Variants in BCL11B observed in about 807,000 individuals in gnomAD.
BCL11B encodes the protein BCL11 transcription factor B, also known as B-cell lymphoma/leukemia 11B.
In BCL11B, 8 loss-of-function variants were observed where a neutral mutation model predicts 49.9. The observed-to-expected ratio is 0.16, with a 90% CI of 0.09 to 0.29. The LOEUF is 0.29. Among genes scored for constraint, BCL11B ranks in the 10% least tolerant of loss-of-function variants. The probability of loss-of-function intolerance (pLI) is 1.00; values close to 1 mark genes in which losing one functional copy is unlikely to be tolerated. For missense variants in BCL11B, 1,006 were observed against 1,351.0 expected, an observed-to-expected ratio of 0.74 and a Z score of 4.00; for synonymous variants, 739 against 637.4, an observed-to-expected ratio of 1.16 and a Z score of -2.40.
chr14:99,219,613 C>T (rs966893478), intron 3 of BCL11B, among the ~76,000 whole-genome samples: 16 of 152,012 alleles, frequency 1.1e-4, no homozygotes, highest in Non-Finnish European at 2.2e-4. Context: ...CACAGGACAC[C>T]GAGTGAGCTC....
In BCL11B at chr14:99,248,403, C is replaced by T. The variant is rs146297921; in HGVS notation, c.427+9068G>A. On this transcript the variant is annotated intron_variant, in intron 2 of 3. Transcript: ENST00000357195. This position sits in a 1 kb window ranked among gnomAD's most constrained non-coding sequence, Gnocchi z 4.7. The stretch of plus-strand genomic sequence containing the variant: ...TGAGGAGGCTCCCACTCCCTGTGTG[C>T]CCAGAGGTCACTGGCCGCCCCCAGC... Among the ~76,000 whole-genome samples the T allele has an allele frequency of 5.0e-4, 76 of 152,330 alleles. 1 individual carries two copies. Among genetic ancestry groups the T allele is most frequent in the African/African-American group, 1.7e-3 (71 of 41,560 alleles).
intron 3 of BCL11B, among the ~76,000 whole-genome samples, chr14:99,196,038 TC>T (rs1289516053): frequency 6.6e-6 from 1 of 152,084 alleles, no homozygotes; most frequent in Non-Finnish European, 1.5e-5. Context: ...CGCTTCCCAG[TC>T]TTCATTCATG....
chr14:99,245,100 A>G (rs1481318738), intron 2 of BCL11B, among the ~76,000 whole-genome samples: 4 of 152,218 alleles, frequency 2.6e-5, no homozygotes, highest in African/African-American at 9.6e-5. Flanking sequence ...ACATTTTCTT[A>G]AGAGCTTTGT....
In BCL11B at chr14:99,174,934, G is replaced by T; in HGVS notation, c.1902C>A (p.Gly634=). ...LKRAAGGGDA[G]DDDDAGGCGD... is the part of the protein sequence containing the mutation. ...CGCAGCCGCCCGCGTCGTCGTCGTC[G>T]CCCGCGTCCCCGCCGCCCGCCGCAC... The change falls in exon 4 of 4, where the codon GGC becomes GGA. Residue 634 remains glycine, a synonymous_variant. Transcript: ENST00000357195. 1 of 1,344,942 alleles carries T rather than the reference G, an allele frequency of 7.4e-7. No individual in the cohort carries two copies. The highest frequency in any genetic ancestry group is 9.6e-7 in the Non-Finnish European group (1 of 1,044,836). 83.3% of individuals were successfully genotyped at this position (1,344,942 alleles called of 1,614,324 possible).
chr14:99,202,409 C>A (rs1019157785), intron 3 of BCL11B, among the ~76,000 whole-genome samples: 2 of 152,240 alleles, frequency 1.3e-5, no homozygotes, highest in Non-Finnish European at 2.9e-5. Context: ...GAGGAGGACA[C>A]TTGAGCCTCC....
intron 1 of BCL11B, among the ~76,000 whole-genome samples, chr14:99,269,211 T>TG (rs1402348788): frequency 7.3e-6 from 1 of 136,844 alleles, no homozygotes; most frequent in African/African-American, 2.7e-5. Flanking sequence ...AGAGGCTACG[T>TG]GGGGCAAATT....
rs200960315 is a variant in BCL11B, at chr14:99,173,554, C to A, written c.*597G>T. 336 of 173,100 alleles carry A rather than the reference C, an allele frequency of 1.9e-3. No individual in the cohort carries two copies. The highest frequency in any genetic ancestry group is 3.1e-3 in the Non-Finnish European group (267 of 85,228). 10.7% of individuals were successfully genotyped at this position (173,100 alleles called of 1,614,324 possible). On this transcript the variant is annotated 3_prime_UTR_variant, in exon 4 of 4. Coordinates refer to ENST00000357195, the MANE Select transcript of BCL11B (RefSeq NM_138576.4). ...CACCCCCCACCCCAAAAACAAAAAC[C>A]AAAAAAAAAATTAAAAAATAATTAA...
chr14:99,189,316 T>C (rs1886953553), intron 3 of BCL11B, among the ~76,000 whole-genome samples: 1 of 152,236 alleles, frequency 6.6e-6, no homozygotes, highest in East Asian at 1.9e-4. Context: ...GGTGCCCGGA[T>C]GCACAGCCGA....
chr14:99,266,407 C>T (rs1050148791), intron 1 of BCL11B, among the ~76,000 whole-genome samples: 1 of 152,056 alleles, frequency 6.6e-6, no homozygotes, highest in African/African-American at 2.4e-5. Context: ...ATTTTCAGAA[C>T]GTCAAGACCA....
intron 2 of BCL11B, among the ~76,000 whole-genome samples, chr14:99,244,799 C>T (rs139819696): frequency 6.6e-6 from 1 of 152,346 alleles, no homozygotes; most frequent in Non-Finnish European, 1.5e-5. Flanking sequence ...TTACTCAAAA[C>T]GCCATGACGG....
intron 3 of BCL11B, among the ~76,000 whole-genome samples, chr14:99,211,204 C>T (rs1327415093): frequency 6.6e-6 from 1 of 152,196 alleles, no homozygotes; most frequent in East Asian, 1.9e-4. Flanking sequence ...GCCAGGTCTG[C>T]CCCAGGCCTG....
At position 99,257,625 on chromosome 14, in the gene BCL11B, C is replaced by T. The variant is rs750180184; in HGVS notation, c.273G>A (p.Lys91=). The T allele has an allele frequency of 2.5e-6, 4 of 1,613,666 alleles. No homozygotes were observed. In the South Asian group the frequency reaches 3.3e-5, roughly 13 times the overall value. ...GTGGCGGGCTGTCCTTGTCCAGGGC[C>T]TTGTCATAGCAGGCACCCAAGCTGC... is the stretch of plus-strand genomic sequence containing the variant. ...CGGSLGACYD[K]ALDKDSPPPS... The change falls in exon 2 of 4, where the codon AAG becomes AAA. Residue 91 remains lysine, a synonymous_variant. Coordinates refer to ENST00000357195, the MANE Select transcript of BCL11B (RefSeq NM_138576.4). The surrounding 1 kb of genome is among the most constrained non-coding windows in gnomAD (Gnocchi z 6.2).
intron 2 of BCL11B, among the ~76,000 whole-genome samples, chr14:99,255,278 G>A (rs1434909233): frequency 6.6e-6 from 1 of 151,908 alleles, no homozygotes; most frequent in Non-Finnish European, 1.5e-5. Context: ...ACTTCTAAGG[G>A]ATTATTTTAC....
In BCL11B at chr14:99,175,896, G is replaced by T; in HGVS notation, c.940C>A (p.Pro314Thr). Reference sequence around the variant, plus strand: ...CGCGGCGGGGGACTGAAGAGAGGCGGCGTGCCCGGCAGGCGGCCCTCGCCG... The same window carrying T: ...CGCGGCGGGGGACTGAAGAGAGGCGTCGTGCCCGGCAGGCGGCCCTCGCCG... ...GFGEGRLPGT[P>T]PLFSPPPRHH... Residue 314 changes from proline to threonine, a missense_variant, in exon 4 of 4, where the codon CCG becomes ACG. Physicochemically the swap from Pro to Thr is conservative, Grantham distance 38. Around this residue, in one of 6 missense-constraint regions of BCL11B, gnomAD observed 411 missense variants for 542.2 expected, o/e 0.76. Coordinates refer to ENST00000357195, the MANE Select transcript of BCL11B (RefSeq NM_138576.4). 6.9e-7 allele frequency: 1 copy of T among 1,457,800 alleles called. No individual in the cohort carries two copies. The highest frequency in any genetic ancestry group is 9.0e-7 in the Non-Finnish European group (1 of 1,108,306). 90.3% of individuals were successfully genotyped at this position (1,457,800 alleles called of 1,614,324 possible).
intron 3 of BCL11B, among the ~76,000 whole-genome samples, chr14:99,191,942 G>A (rs1887042594): frequency 6.6e-6 from 1 of 152,160 alleles, no homozygotes; most frequent in African/African-American, 2.4e-5. Flanking sequence ...ACTTATGTGG[G>A]GTGACGGGGG....
At chr14:99,270,900 C>G (rs992898230) in intron 1 of BCL11B, among the ~76,000 whole-genome samples, 1 of 151,162 alleles carries the variant, frequency 6.6e-6, no homozygotes, top group Non-Finnish European at 1.5e-5. Flanking sequence ...TGCATGCCCC[C>G]TCCCCGGCCC....
chr14:99,170,160 C>T lies in BCL11B; in HGVS notation c.*3991G>A, dbSNP rs1177900799. 4.4e-6 allele frequency: 1 copy of T among 224,752 alleles called. No individual in the cohort carries two copies. The allele number at this position is 224,752 out of a possible 1,614,324, so 13.9% of individuals were successfully genotyped here. A position where few individuals can be genotyped will look rare whatever the true frequency, so the allele number is the denominator to read the frequency against. ...AGACCACCCTGGAGGCACTCTAGGA[C>T]CTCAGTGGGGCATCCAAAGGCAACA... On this transcript the variant is annotated 3_prime_UTR_variant, in exon 4 of 4. Coordinates refer to ENST00000357195, the MANE Select transcript of BCL11B (RefSeq NM_138576.4).
rs1886317181 is a variant in BCL11B at position 99,172,304 on chromosome 14, G to C, written c.*1847C>G. 1 of 226,086 alleles carries C rather than the reference G, an allele frequency of 4.4e-6. No homozygotes were observed. The highest frequency in any genetic ancestry group is 8.8e-6 in the Non-Finnish European group (1 of 113,454). The allele number at this position is 226,086 out of a possible 1,614,324, so 14.0% of individuals were successfully genotyped here. ...TGTCCCAAAAACAAAAGGGGCTGAG[G>C]ATAATTCAGCTAATGGATGTCCAAG... On this transcript the variant is annotated 3_prime_UTR_variant, in exon 4 of 4. Transcript: ENST00000357195.
Position 99,175,267 on chromosome 14 carries a change from G to C in BCL11B, c.1569C>G (p.Asp523Glu). 6.5e-7 allele frequency: 1 copy of C among 1,541,610 alleles called. No individual in the cohort carries two copies. Among genetic ancestry groups the C allele is most frequent in the Non-Finnish European group, 8.7e-7 (1 of 1,148,160 alleles). The part of the protein sequence containing the change: ...ADGDFRHHES[D>E]PSLGHEPEEE... Reference sequence around the variant, plus strand: ...CCTCCGGCTCGTGGCCCAGCGACGGGTCGCTCTCGTGGTGGCGGAAGTCAC... The same window carrying C: ...CCTCCGGCTCGTGGCCCAGCGACGGCTCGCTCTCGTGGTGGCGGAAGTCAC... The change falls in exon 4 of 4, where the codon GAC becomes GAG. Residue 523 changes from aspartate (D) to glutamate (E), a missense_variant. Asp to Glu is a conservative substitution (Grantham distance 45). This residue lies in a region of BCL11B where 443 missense variants were observed against 499.7 expected (regional missense o/e 0.89). Coordinates refer to ENST00000357195, the MANE Select transcript of BCL11B (RefSeq NM_138576.4).
Sources: allele counts gnomAD v4.1 joint callset (sites outside exome capture counted in the v4.1 genomes callset), GRCh38; gene constraint gnomAD v4.1.1; regional missense constraint gnomAD v4.1.1; non-coding constraint Gnocchi (gnomAD v3.1); transcripts MANE v1.5; gene names NCBI Gene and HGNC (gene_info 2026-07-23, HGNC 2026-07-21).